DLG2: variants seen among roughly 807,000 people sequenced by gnomAD.
The protein encoded by DLG2 is discs large MAGUK scaffold protein 2, also known as disks large homolog 2.
A neutral mutation model predicts 132.5 loss-of-function variants in DLG2; 45 were observed. The observed-to-expected ratio is 0.34, with a 90% CI of 0.27 to 0.44. The LOEUF (loss-of-function observed/expected upper bound fraction) is 0.44. Among genes scored for constraint, DLG2 ranks in the 20% least tolerant of loss-of-function variants. The probability of loss-of-function intolerance (pLI) is 1.00; values close to 1 mark genes in which losing one functional copy is unlikely to be tolerated. For missense variants in DLG2, 1,045 were observed against 1,196.9 expected, an observed-to-expected ratio of 0.87 and a Z score of 1.87; for synonymous variants, 424 against 419.6, an observed-to-expected ratio of 1.01 and a Z score of -0.13.
intron 3 of DLG2, among the ~76,000 whole-genome samples, chr11:85,288,190 A>C (rs2078676894): frequency 6.6e-6 from 1 of 151,998 alleles, no homozygotes. Flanking sequence ...ATATTTTCAT[A>C]AATAATAAAG....
intron 6 of DLG2, among the ~76,000 whole-genome samples, chr11:85,094,775 G>A (rs2069438412): frequency 6.6e-6 from 1 of 152,204 alleles, no homozygotes; most frequent in Admixed American, 6.5e-5. Flanking sequence ...TGTGCTTACT[G>A]GAGTAGCACT....
chr11:85,206,849 G>A lies in DLG2; in HGVS notation c.187-52198C>T, dbSNP rs558054937. Among the ~76,000 whole-genome samples the A allele has an allele frequency of 1.8e-4, 27 of 151,940 alleles. No homozygotes were observed. In the South Asian group the frequency reaches 3.7e-3, roughly 21 times the overall value. On this transcript the variant is annotated intron_variant, in intron 4 of 27. Coordinates refer to ENST00000376104, the MANE Select transcript of DLG2 (RefSeq NM_001142699.3). ...ATTCCTTCTAAAAATGAAAAAAAGCGCATATCTTTTTTTTTAATTTCAAGT... is the reference window on the plus strand; with the variant it reads ...ATTCCTTCTAAAAATGAAAAAAAGCACATATCTTTTTTTTTAATTTCAAGT...
intron 6 of DLG2, among the ~76,000 whole-genome samples, chr11:84,635,514 T>C (rs1006243502): frequency 6.6e-6 from 1 of 152,176 alleles, no homozygotes; most frequent in Non-Finnish European, 1.5e-5. Flanking sequence ...AAATAGTTTA[T>C]TTGAACTATA....
intron 6 of DLG2, among the ~76,000 whole-genome samples, chr11:84,659,448 A>C (rs930151088): frequency 6.6e-6 from 1 of 152,014 alleles, no homozygotes; most frequent in Non-Finnish European, 1.5e-5. Flanking sequence ...TGGATCCAAA[A>C]TCTCTTGATG....
At chr11:85,429,979 C>T (rs1353554756) in intron 3 of DLG2, among the ~76,000 whole-genome samples, 2 of 152,080 alleles carry the variant, frequency 1.3e-5, no homozygotes, top group Non-Finnish European at 2.9e-5. Context: ...CAATGATAGA[C>T]TGGATTAAGA....
intron 11 of DLG2, among the ~76,000 whole-genome samples, chr11:83,981,474 C>T (rs146082565): frequency 0.012 from 1,848 of 152,140 alleles, 39 homozygotes; most frequent in African/African-American, 0.043. Flanking sequence ...GATAGTCTCG[C>T]TCTGTCGCCC....
intron 3 of DLG2, chr11:85,452,932 CT>C: frequency 4.7e-6 from 1 of 214,724 alleles, no homozygotes; most frequent in South Asian, 8.9e-5. Flanking sequence ...AGGGAGGTGA[CT>C]AAGGTCATGC....
intron 21 of DLG2, among the ~76,000 whole-genome samples, chr11:83,527,044 G>T (rs1223419548): frequency 1.3e-5 from 2 of 152,134 alleles, no homozygotes; most frequent in Non-Finnish European, 2.9e-5. Flanking sequence ...TTAAATAAAT[G>T]AATGAAGTCA....
At chr11:84,126,744 T>A (rs1487370013) in intron 9 of DLG2, among the ~76,000 whole-genome samples, 2 of 152,178 alleles carry the variant, frequency 1.3e-5, no homozygotes, top group Non-Finnish European at 2.9e-5. Flanking sequence ...AGACTATGTT[T>A]TTTCCTTTGT....
intron 7 of DLG2, among the ~76,000 whole-genome samples, chr11:84,361,706 A>G (rs1465906736): frequency 2.0e-4 from 31 of 152,048 alleles, no homozygotes. Flanking sequence ...GATATAAATG[A>G]CTATTTAAAG....
At chr11:85,466,623 T>C (rs1460559685) in intron 3 of DLG2, among the ~76,000 whole-genome samples, 1 of 152,216 alleles carries the variant, frequency 6.6e-6, no homozygotes, top group African/African-American at 2.4e-5. Context: ...TCGTTGTAGA[T>C]ATGTGGCATT....
chr11:85,519,487 T>C (rs1325148855), intron 3 of DLG2, among the ~76,000 whole-genome samples: 1 of 152,218 alleles, frequency 6.6e-6, no homozygotes, highest in Non-Finnish European at 1.5e-5. Context: ...GGAATGTCTG[T>C]ACTTACCCAA....
At chr11:83,801,385 T>C (rs1374997708) in intron 17 of DLG2, among the ~76,000 whole-genome samples, 3 of 152,198 alleles carry the variant, frequency 2.0e-5, no homozygotes, top group African/African-American at 7.2e-5. Context: ...TCTGCTAAAA[T>C]CTTTCTTTTG....
chr11:84,238,370 C>G (rs1225439104), intron 8 of DLG2, among the ~76,000 whole-genome samples: 1 of 151,924 alleles, frequency 6.6e-6, no homozygotes, highest in Non-Finnish European at 1.5e-5. Context: ...CAAAAATTAC[C>G]TGGATGTGGT....
intron 7 of DLG2, among the ~76,000 whole-genome samples, chr11:84,293,978 C>T (rs1443773921): frequency 6.6e-6 from 1 of 152,220 alleles, no homozygotes; most frequent in Non-Finnish European, 1.5e-5. Flanking sequence ...CTGGACCACG[C>T]ATTGCCACCA....
Position 83,900,367 on chromosome 11 carries a change from C to G in DLG2, c.1497-25879G>C, listed in dbSNP as rs1252043142. ...ATCCCTAAGAAAATGGGGGAAATGTCTCTAGGGCATGTCAGAGGTCTTGAT... is the reference window on the plus strand; with the variant it reads ...ATCCCTAAGAAAATGGGGGAAATGTGTCTAGGGCATGTCAGAGGTCTTGAT... On this transcript the variant is annotated intron_variant, in intron 15 of 27. Coordinates refer to ENST00000376104, the MANE Select transcript of DLG2 (RefSeq NM_001142699.3). Among the ~76,000 whole-genome samples, 3 of 152,192 alleles carry G rather than the reference C, an allele frequency of 2.0e-5. No individual in the cohort carries two copies. In the East Asian group the frequency reaches 5.8e-4, roughly 29 times the overall value.
At chr11:83,792,803 TATC>T (rs1181819953) in intron 17 of DLG2, among the ~76,000 whole-genome samples, 1 of 152,138 alleles carries the variant, frequency 6.6e-6, no homozygotes, top group East Asian at 1.9e-4. Flanking sequence ...AGGTAATAAA[TATC>T]ATCTAACAGT....
At chr11:85,194,300 A>G (rs1346042646) in intron 4 of DLG2, among the ~76,000 whole-genome samples, 1 of 152,148 alleles carries the variant, frequency 6.6e-6, no homozygotes, top group Non-Finnish European at 1.5e-5. Context: ...CTCCAAGCCA[A>G]TCTTAGTGGG....
chr11:85,531,316 C>A (rs1052865445), intron 3 of DLG2, among the ~76,000 whole-genome samples: 6 of 152,140 alleles, frequency 3.9e-5, no homozygotes, highest in African/African-American at 1.2e-4. Flanking sequence ...GATGTTAGTA[C>A]AGGAGCATGA....
Sources: gnomAD v4.1 joint callset for allele counts (sites outside exome capture counted in the v4.1 genomes callset) on GRCh38, gnomAD v4.1.1 for gene constraint, MANE v1.5 for transcripts, NCBI Gene and HGNC (gene_info 2026-07-23, HGNC 2026-07-21) for gene names.